Variants in PHACTR3 observed in about 807,000 individuals in gnomAD.
The protein encoded by PHACTR3 is protein phosphatase 1, regulatory subunit 123.
Under a neutral mutation model 66.8 loss-of-function variants are expected in PHACTR3, and 16 were observed. That is an observed-to-expected ratio of 0.24 (90% CI 0.16 to 0.36). The LOEUF is 0.36. PHACTR3 is among the 10% of genes least tolerant of loss of function. The pLI, the probability that PHACTR3 is intolerant of heterozygous loss-of-function variation, is 1.00. For synonymous variants in PHACTR3, 323 were observed against 292.1 expected, an observed-to-expected ratio of 1.11 and a Z score of -1.08; for missense variants, 647 against 719.9, an observed-to-expected ratio of 0.90 and a Z score of 1.16.
At chr20:59,748,854 C>G (rs1446958689) in intron 3 of PHACTR3, among the ~76,000 whole-genome samples, 1 of 152,114 alleles carries the variant, frequency 6.6e-6, no homozygotes. Context: ...TAATTTGGCC[C>G]AAATATCAGG....
At chr20:59,650,739 G>GC (rs369223114) in intron 1 of PHACTR3, among the ~76,000 whole-genome samples, 3,616 of 73,706 alleles carry the variant, frequency 0.049, 163 homozygotes, top group African/African-American at 0.17. Context: ...TGCGTTGATA[G>GC]CAAAAAAAAA....
Position 59,638,184 on chromosome 20 carries a change from TGTA to T in PHACTR3, c.118+33056_118+33058del, listed in dbSNP as rs552826280. ...TGTCTTAGCATGTTGAAAGTGCTCT[TGTA>T]GTACTTAGAAACACTGTCATTTAAC... On this transcript the variant is annotated intron_variant, in intron 1 of 12. Transcript: ENST00000371015. Among the ~76,000 whole-genome samples, 18 of 152,314 alleles carry T rather than the reference TGTA, an allele frequency of 1.2e-4. No homozygotes were observed. The South Asian group carries it at 2.7e-3, about 23-fold the overall frequency.
intron 1 of PHACTR3, among the ~76,000 whole-genome samples, chr20:59,652,557 C>T (rs2035490503): frequency 6.6e-6 from 1 of 152,082 alleles, no homozygotes; most frequent in African/African-American, 2.4e-5. Context: ...GACCTTATCT[C>T]TTAAAATAAA....
At chr20:59,762,255 G>T (rs1453118228) in intron 4 of PHACTR3, among the ~76,000 whole-genome samples, 4 of 152,194 alleles carry the variant, frequency 2.6e-5, no homozygotes, top group Non-Finnish European at 5.9e-5. Flanking sequence ...CAGGGTGAAG[G>T]GTGGGGAACC....
chr20:59,819,885 G>A (rs1379309239), intron 8 of PHACTR3, among the ~76,000 whole-genome samples: 1 of 152,266 alleles, frequency 6.6e-6, no homozygotes, highest in African/African-American at 2.4e-5. Context: ...CGTCAGCTGA[G>A]GCATGCAGGG....
At chr20:59,599,142 C>G (rs1400668831) in intron 1 of PHACTR3, among the ~76,000 whole-genome samples, 1 of 152,238 alleles carries the variant, frequency 6.6e-6, no homozygotes, top group Admixed American at 6.5e-5. Context: ...AAGCCCGGAG[C>G]CAGCTTGGCC....
At chr20:59,723,825 G>A (rs910385451) in intron 1 of PHACTR3, among the ~76,000 whole-genome samples, 13 of 152,012 alleles carry the variant, frequency 8.6e-5, no homozygotes, top group East Asian at 1.9e-4. Context: ...ATGGTGACTC[G>A]GTCCTCAAGG....
rs147322070 is a variant in PHACTR3 at position 59,674,338 on chromosome 20, T to TG, written c.119-68766dup. Among the ~76,000 whole-genome samples, 211 of 139,064 alleles carry TG rather than the reference T, an allele frequency of 1.5e-3. 6 individuals carry two copies. The East Asian group carries it at 0.038, about 25-fold the overall frequency. The allele number at this position is 139,064 out of a possible 152,430, so 91.2% of individuals were successfully genotyped here. Reference sequence around the variant, plus strand: ...GGGGCATGGCTCTGACTCCTGCCCTTGGGTTTGCCCCACTCTGCCCTCTTC... The same window carrying TG: ...GGGGCATGGCTCTGACTCCTGCCCTTGGGGTTTGCCCCACTCTGCCCTCTTC... On this transcript the variant is annotated intron_variant, in intron 1 of 12. Transcript: ENST00000371015.
chr20:59,728,403 A>G (rs563659528), intron 1 of PHACTR3, among the ~76,000 whole-genome samples: 23 of 152,124 alleles, frequency 1.5e-4, no homozygotes, highest in Non-Finnish European at 2.8e-4. Context: ...ACTTCCGGGT[A>G]TCTAACTAAA....
intron 1 of PHACTR3, among the ~76,000 whole-genome samples, chr20:59,638,773 C>T (rs565137816): frequency 5.7e-4 from 67 of 117,696 alleles, no homozygotes; most frequent in Non-Finnish European, 9.0e-4. Flanking sequence ...GGTAGATGGA[C>T]GGATGGATAA....
At chr20:59,607,179 C>A (rs561713453) in intron 1 of PHACTR3, among the ~76,000 whole-genome samples, 1 of 152,244 alleles carries the variant, frequency 6.6e-6, no homozygotes, top group South Asian at 2.1e-4. Context: ...TGTCTTTGGG[C>A]AGATCTGTTT....
intron 7 of PHACTR3, among the ~76,000 whole-genome samples, chr20:59,776,783 A>G (rs774831397): frequency 1.5e-4 from 7 of 47,430 alleles, no homozygotes; most frequent in Admixed American, 2.7e-4. Context: ...TGAGACACAG[A>G]GTTTCTGCAC....
intron 8 of PHACTR3, among the ~76,000 whole-genome samples, chr20:59,809,011 G>A (rs576745657): frequency 5.3e-5 from 8 of 152,262 alleles, no homozygotes; most frequent in Non-Finnish European, 7.4e-5. Flanking sequence ...ACAACAGAAC[G>A]CTCCCCGGGT....
At chr20:59,732,063 A>G (rs2146721906) in intron 1 of PHACTR3, among the ~76,000 whole-genome samples, 1 of 152,314 alleles carries the variant, frequency 6.6e-6, no homozygotes, top group African/African-American at 2.4e-5. Context: ...TAGCTAAACA[A>G]CTGAATACGA....
intron 1 of PHACTR3, among the ~76,000 whole-genome samples, chr20:59,723,044 TTTTCTTTCTTTCTTTCTCTTTC>T (rs2038383683): frequency 6.7e-6 from 1 of 149,836 alleles, no homozygotes; most frequent in Non-Finnish European, 1.5e-5. Flanking sequence ...TTATTTCTCT[TTTTCTTTCTTTCTTTCTCTTTC>T]TTTCTTTCTT....
At chr20:59,674,436 T>C (rs1156247295) in intron 1 of PHACTR3, among the ~76,000 whole-genome samples, 1 of 141,596 alleles carries the variant, frequency 7.1e-6, no homozygotes, top group Non-Finnish European at 1.5e-5. Flanking sequence ...TCCCCCCTTC[T>C]CCTGTTCCTT....
At chr20:59,807,217 G>A (rs2041596540) in intron 8 of PHACTR3, among the ~76,000 whole-genome samples, 1 of 152,102 alleles carries the variant, frequency 6.6e-6, no homozygotes, top group South Asian at 2.1e-4. Context: ...AAATTATACA[G>A]CTGTATAAAA....
intron 9 of PHACTR3, among the ~76,000 whole-genome samples, chr20:59,838,666 T>C (rs1256196401): frequency 3.3e-5 from 5 of 152,246 alleles, no homozygotes; most frequent in Non-Finnish European, 5.9e-5. Context: ...CTAACTCCAT[T>C]GCCCATCTTC....
chr20:59,633,026 A>G (rs2034722297), intron 1 of PHACTR3, among the ~76,000 whole-genome samples: 1 of 152,134 alleles, frequency 6.6e-6, no homozygotes, highest in South Asian at 2.1e-4. Context: ...GCACGGGGGC[A>G]GGAAGGAGAG....
Sources: gnomAD v4.1 joint callset for allele counts (sites outside exome capture counted in the v4.1 genomes callset) on GRCh38, gnomAD v4.1.1 for gene constraint, MANE v1.5 for transcripts, NCBI Gene and HGNC (gene_info 2026-07-23, HGNC 2026-07-21) for gene names.